PCDH9: variants seen among roughly 807,000 people sequenced by gnomAD.
The protein encoded by PCDH9 is protocadherin 9, also known as protocadherin-9.
Under a neutral mutation model 70.6 loss-of-function variants are expected in PCDH9, and 24 were observed. That is an observed-to-expected ratio of 0.34 (90% CI 0.25 to 0.48). PCDH9 has a LOEUF of 0.48. Ranked by LOEUF, PCDH9 falls within the 20% of genes least tolerant of loss-of-function variation. The pLI is 0.99. For synonymous variants in PCDH9, 562 were observed against 558.5 expected (o/e 1.01, Z -0.09); for missense variants, 1,281 against 1,503.6 (o/e 0.85, Z 2.45).
chr13:66,898,193 A>G (rs2082214766), intron 3 of PCDH9, among the ~76,000 whole-genome samples: 1 of 151,996 alleles, frequency 6.6e-6, no homozygotes, highest in Middle Eastern at 3.2e-3. Flanking sequence ...TGCACTTTGG[A>G]GAGCAATGTT....
intron 2 of PCDH9, among the ~76,000 whole-genome samples, chr13:67,003,340 C>T (rs2084283253): frequency 6.6e-6 from 1 of 151,836 alleles, no homozygotes; most frequent in South Asian, 2.1e-4. Context: ...TACATTCTGG[C>T]CCTTTGAATT....
chr13:66,450,023 GC>G (rs1201991954), intron 4 of PCDH9, among the ~76,000 whole-genome samples: 1 of 152,030 alleles, frequency 6.6e-6, no homozygotes, highest in African/African-American at 2.4e-5. Context: ...TATAAAGGAG[GC>G]AAAAGAATGC....
intron 4 of PCDH9, among the ~76,000 whole-genome samples, chr13:66,606,363 C>T (rs923739839): frequency 3.9e-5 from 6 of 152,074 alleles, no homozygotes; most frequent in African/African-American, 9.7e-5. Context: ...CTGAACAAAG[C>T]TTCTCATGAA....
intron 2 of PCDH9, among the ~76,000 whole-genome samples, chr13:66,959,305 C>A (rs1467000155): frequency 6.6e-6 from 1 of 152,068 alleles, no homozygotes; most frequent in Non-Finnish European, 1.5e-5. Context: ...TAAAAAATAA[C>A]AAACAACATT....
At chr13:67,036,556 T>C (rs2085013041) in intron 2 of PCDH9, among the ~76,000 whole-genome samples, 1 of 152,184 alleles carries the variant, frequency 6.6e-6, no homozygotes, top group Non-Finnish European at 1.5e-5. Flanking sequence ...AAGTATGAAA[T>C]GAACAGTAGT....
intron 4 of PCDH9, among the ~76,000 whole-genome samples, chr13:66,609,749 A>T (rs2077267453): frequency 6.6e-6 from 1 of 152,058 alleles, no homozygotes; most frequent in Non-Finnish European, 1.5e-5. Flanking sequence ...CAAAAAAGTA[A>T]ATCAAATATC....
chr13:67,186,489 G>C (rs2088762974), intron 2 of PCDH9, among the ~76,000 whole-genome samples: 1 of 152,058 alleles, frequency 6.6e-6, no homozygotes, highest in African/African-American at 2.4e-5. Context: ...GTAGGTGTGG[G>C]GATTTTGCAT....
intron 2 of PCDH9, among the ~76,000 whole-genome samples, chr13:67,099,493 T>C (rs762640435): frequency 6.6e-6 from 1 of 152,208 alleles, no homozygotes; most frequent in Admixed American, 6.5e-5. Flanking sequence ...GTCAATAAAT[T>C]TGGCATCTCA....
At chr13:66,393,785 G>C (rs929320592) in intron 4 of PCDH9, among the ~76,000 whole-genome samples, 1 of 152,132 alleles carries the variant, frequency 6.6e-6, no homozygotes, top group Non-Finnish European at 1.5e-5. Flanking sequence ...TCTTCTAAAT[G>C]AACAGTGCAC....
intron 2 of PCDH9, among the ~76,000 whole-genome samples, chr13:66,964,931 A>AAT (rs991113281): frequency 5.3e-5 from 8 of 151,960 alleles, no homozygotes; most frequent in East Asian, 3.9e-4. Flanking sequence ...AAAACTATTA[A>AAT]ATATATATAT....
chr13:66,553,838 T>C (rs1961602382), intron 4 of PCDH9, among the ~76,000 whole-genome samples: 1 of 152,210 alleles, frequency 6.6e-6, no homozygotes, highest in Non-Finnish European at 1.5e-5. Context: ...ATAATAAAAT[T>C]CCAAAAGAAC....
intron 2 of PCDH9, among the ~76,000 whole-genome samples, chr13:67,031,457 C>G (rs2084904968): frequency 6.6e-6 from 1 of 152,098 alleles, no homozygotes; most frequent in Non-Finnish European, 1.5e-5. Flanking sequence ...GTAATCCCAG[C>G]ACTTTGGTAG....
chr13:67,154,584 A>T (rs2087750812), intron 2 of PCDH9, among the ~76,000 whole-genome samples: 1 of 87,930 alleles, frequency 1.1e-5, no homozygotes, highest in South Asian at 4.2e-4. Flanking sequence ...TCAAAAAAAA[A>T]AAAAAAAAAA....
At chr13:67,191,250 T>C (rs745689225) in intron 2 of PCDH9, among the ~76,000 whole-genome samples, 2 of 152,152 alleles carry the variant, frequency 1.3e-5, no homozygotes, top group East Asian at 1.9e-4. Flanking sequence ...ATCTGTTTAG[T>C]ACATTTCTGT....
chr13:67,028,695 T>A lies in PCDH9; in HGVS notation c.3037-125090A>T, dbSNP rs183979828. On this transcript the variant is annotated intron_variant, in intron 2 of 4. Transcript: ENST00000377865. ...TTGTAAACTTTTTTTTGTCCTTTCA[T>A]CCTAAACATATTTTTCTTCCAAATA... 8.5e-5 allele frequency among the ~76,000 whole-genome samples: 13 copies of A among 152,258 alleles called. 1 individual carries two copies. The East Asian group carries it at 2.3e-3, about 27-fold the overall frequency.
At chr13:66,368,733 A>C (rs1163911247) in intron 4 of PCDH9, among the ~76,000 whole-genome samples, 1 of 151,982 alleles carries the variant, frequency 6.6e-6, no homozygotes, top group East Asian at 1.9e-4. Context: ...CAATTTACAA[A>C]ATAAAGAGGT....
At chr13:67,020,670 A>T (rs2084657647) in intron 2 of PCDH9, among the ~76,000 whole-genome samples, 1 of 152,224 alleles carries the variant, frequency 6.6e-6, no homozygotes, top group Non-Finnish European at 1.5e-5. Flanking sequence ...TGCCATGTAG[A>T]TTTCAGTCAA....
chr13:67,040,797 A>G (rs2085098877), intron 2 of PCDH9, among the ~76,000 whole-genome samples: 1 of 152,186 alleles, frequency 6.6e-6, no homozygotes. Flanking sequence ...GTAATTTTGG[A>G]AAAATATAAA....
rs775288049 is a variant in PCDH9 at position 66,710,641 on chromosome 13, T to C, written c.3139-79230A>G. Among the ~76,000 whole-genome samples the C allele has an allele frequency of 1.2e-4, 19 of 152,180 alleles. 1 individual carries two copies. The South Asian group carries it at 1.4e-3, about 12-fold the overall frequency. ...ACTTGCAACTTGTAACACTCAGATG[T>C]ATAACCTTACATTTTCATAGGTCAG... On this transcript the variant is annotated intron_variant, in intron 3 of 4. Transcript: ENST00000377865.
Sources: gnomAD v4.1 joint callset for allele counts (sites outside exome capture counted in the v4.1 genomes callset) on GRCh38, gnomAD v4.1.1 for gene constraint, MANE v1.5 for transcripts, NCBI Gene and HGNC (gene_info 2026-07-23, HGNC 2026-07-21) for gene names.